CDYL2: variants seen among roughly 807,000 people sequenced by gnomAD.
The protein encoded by CDYL2 is chromodomain Y like 2, also known as chromodomain Y-like protein 2.
Under a neutral mutation model 49.4 loss-of-function variants are expected in CDYL2, and 23 were observed. The observed-to-expected ratio is 0.47, with a 90% CI of 0.34 to 0.66. The LOEUF (loss-of-function observed/expected upper bound fraction) is 0.66. Ranked by LOEUF, CDYL2 falls within the 30% of genes least tolerant of loss-of-function variation. The pLI, the probability that CDYL2 is intolerant of heterozygous loss-of-function variation, is 0.01. For missense variants in CDYL2, 678 were observed against 656.4 expected (o/e 1.03, Z -0.36); for synonymous variants, 360 against 268.8 (o/e 1.34, Z -3.32).
rs570388257 is a variant in CDYL2 at position 80,761,992 on chromosome 16, C to T, written c.24+42158G>A. 2.6e-5 allele frequency among the ~76,000 whole-genome samples: 4 copies of T among 151,550 alleles called. No homozygotes were observed. The South Asian group carries it at 6.3e-4, about 24-fold the overall frequency. On this transcript the variant is annotated intron_variant, in intron 1 of 6. Transcript: ENST00000570137. ...TTTGAGGCCAGGAGGTCAAGACTAG[C>T]CCAGGCAACATGGCAAAACCCCATC...
At chr16:80,690,138 A>T (rs1414586020) in intron 1 of CDYL2, among the ~76,000 whole-genome samples, 7 of 146,200 alleles carry the variant, frequency 4.8e-5, no homozygotes, top group African/African-American at 1.4e-4. Context: ...AAAAAAAAAT[A>T]AAAAAATAAA....
At chr16:80,751,942 G>T (rs1385037417) in intron 1 of CDYL2, among the ~76,000 whole-genome samples, 1 of 152,074 alleles carries the variant, frequency 6.6e-6, no homozygotes, top group East Asian at 1.9e-4. Context: ...TTTGTAGAAG[G>T]AAACAACCAC....
intron 2 of CDYL2, 77 bp downstream of exon 2, chr16:80,684,461 T>C (rs1910094373): frequency 5.9e-6 from 8 of 1,363,026 alleles, no homozygotes; most frequent in African/African-American, 1.5e-5. Flanking sequence ...GGGTCTTATG[T>C]ATGTCCCTAG....
At position 80,782,593 on chromosome 16, in the gene CDYL2, C is replaced by T. The variant is rs116056129; in HGVS notation, c.24+21557G>A. Among the ~76,000 whole-genome samples, 668 of 143,884 alleles carry T rather than the reference C, an allele frequency of 4.6e-3. 7 individuals are homozygous for T. Among genetic ancestry groups the T allele is most frequent in the African/African-American group, 0.016 (622 of 39,250 alleles). The allele number at this position is 143,884 out of a possible 152,430, so 94.4% of individuals were successfully genotyped here. On this transcript the variant is annotated intron_variant, in intron 1 of 6. Coordinates refer to ENST00000570137, the MANE Select transcript of CDYL2 (RefSeq NM_152342.4). ...CCTGACAATATAGATGCAAAAAATT[C>T]TCAACAAAATACTAGGAAACCAAAT... is the stretch of plus-strand genomic sequence containing the variant.
intron 2 of CDYL2, among the ~76,000 whole-genome samples, chr16:80,664,322 C>A (rs1251594797): frequency 1.3e-5 from 2 of 152,212 alleles, no homozygotes; most frequent in Non-Finnish European, 2.9e-5. Flanking sequence ...TCCACCTTCA[C>A]ACATCTAATC....
intron 1 of CDYL2, among the ~76,000 whole-genome samples, chr16:80,794,840 C>T (rs980791577): frequency 5.3e-5 from 8 of 151,810 alleles, no homozygotes; most frequent in Admixed American, 3.3e-4. Flanking sequence ...CTCGAACTCC[C>T]GACCTCAGGT....
chr16:80,708,741 A>G (rs1298225351), intron 1 of CDYL2, among the ~76,000 whole-genome samples: 1 of 152,076 alleles, frequency 6.6e-6, no homozygotes, highest in Non-Finnish European at 1.5e-5. Context: ...TAAATAAAAC[A>G]CACAGGGTTG....
intron 1 of CDYL2, among the ~76,000 whole-genome samples, chr16:80,697,553 T>C (rs1172243830): frequency 6.6e-5 from 10 of 152,076 alleles, no homozygotes; most frequent in Admixed American, 2.0e-4. Flanking sequence ...CTCAACATAG[T>C]ATTGGAAGTC....
intron 1 of CDYL2, among the ~76,000 whole-genome samples, chr16:80,790,984 T>G (rs1405278598): frequency 2.0e-5 from 3 of 152,236 alleles, no homozygotes; most frequent in African/African-American, 7.2e-5. Context: ...TCTCAAGCAT[T>G]TGTCTCCTTC....
chr16:80,655,982 A>T (rs1023906528), intron 2 of CDYL2, among the ~76,000 whole-genome samples: 1 of 152,244 alleles, frequency 6.6e-6, no homozygotes, highest in African/African-American at 2.4e-5. Context: ...GTCAGAGGAC[A>T]TGGAAATAAT....
At chr16:80,802,654 C>T (rs574574652) in intron 1 of CDYL2, among the ~76,000 whole-genome samples, 1 of 152,316 alleles carries the variant, frequency 6.6e-6, no homozygotes, top group African/African-American at 2.4e-5. Flanking sequence ...ACCCACCCCA[C>T]CTGAACCTGC....
chr16:80,663,363 T>C (rs775417547), intron 2 of CDYL2, among the ~76,000 whole-genome samples: 37 of 151,926 alleles, frequency 2.4e-4, no homozygotes, highest in South Asian at 6.2e-4. Flanking sequence ...TAGTCCCATG[T>C]ACAGAATCCT....
At chr16:80,656,620 C>T (rs1908824826) in intron 2 of CDYL2, among the ~76,000 whole-genome samples, 1 of 152,234 alleles carries the variant, frequency 6.6e-6, no homozygotes, top group Admixed American at 6.5e-5. Flanking sequence ...CTTTAGCGTA[C>T]AAAGGAGTAT....
intron 2 of CDYL2, among the ~76,000 whole-genome samples, chr16:80,646,204 A>T (rs1908338181): frequency 6.6e-6 from 1 of 152,174 alleles, no homozygotes; most frequent in Non-Finnish European, 1.5e-5. Context: ...GAATTATGGG[A>T]ATACAATTCA....
chr16:80,626,990 C>CT (rs1393670505), intron 3 of CDYL2, among the ~76,000 whole-genome samples: 2 of 152,136 alleles, frequency 1.3e-5, no homozygotes, highest in Non-Finnish European at 2.9e-5. Flanking sequence ...TGATTTAAAT[C>CT]TCATGCTAAC....
At chr16:80,686,490 C>T (rs1910200423) in intron 1 of CDYL2, among the ~76,000 whole-genome samples, 1 of 152,078 alleles carries the variant, frequency 6.6e-6, no homozygotes. Context: ...TAAGTCGAGT[C>T]AGGAATAAGC....
chr16:80,721,298 T>C (rs1175090678), intron 1 of CDYL2, among the ~76,000 whole-genome samples: 1 of 152,210 alleles, frequency 6.6e-6, no homozygotes, highest in Non-Finnish European at 1.5e-5. Context: ...TCATTCCCAT[T>C]TGATACCTAA....
intron 1 of CDYL2, among the ~76,000 whole-genome samples, chr16:80,760,252 T>G (rs1906479800): frequency 6.6e-6 from 1 of 152,158 alleles, no homozygotes; most frequent in African/African-American, 2.4e-5. Flanking sequence ...AGCCTCCTGT[T>G]ACACACTTGA....
chr16:80,625,208 C>G (rs1567545396), intron 3 of CDYL2, among the ~76,000 whole-genome samples: 1 of 152,202 alleles, frequency 6.6e-6, no homozygotes, highest in Admixed American at 6.5e-5. Flanking sequence ...GACTGCATTC[C>G]TTTGTGGAGG....
Sources: gnomAD v4.1 joint callset for allele counts (sites outside exome capture counted in the v4.1 genomes callset) on GRCh38, gnomAD v4.1.1 for gene constraint, MANE v1.5 for transcripts, NCBI Gene and HGNC (gene_info 2026-07-23, HGNC 2026-07-21) for gene names.